Variants in PPM1H observed in about 807,000 individuals in gnomAD.
PPM1H encodes protein phosphatase 1H.
A neutral mutation model predicts 54.9 loss-of-function variants in PPM1H; 27 were observed. That is an observed-to-expected ratio of 0.49 (90% CI 0.36 to 0.68). PPM1H has a LOEUF of 0.68. PPM1H is among the 30% of genes least tolerant of loss of function. The probability of loss-of-function intolerance (pLI) is 0.00; values close to 1 mark genes in which losing one functional copy is unlikely to be tolerated. For missense variants in PPM1H, 596 were observed against 667.8 expected, an observed-to-expected ratio of 0.89 and a Z score of 1.19; for synonymous variants, 305 against 270.8, an observed-to-expected ratio of 1.13 and a Z score of -1.24.
intron 2 of PPM1H, among the ~76,000 whole-genome samples, chr12:62,828,660 C>A (rs1001621460): frequency 6.6e-6 from 1 of 152,224 alleles, no homozygotes; most frequent in African/African-American, 2.4e-5. Context: ...AAATCTCCAG[C>A]ATCCAGTTCT....
At chr12:62,733,898 T>C (rs1206877691) in intron 5 of PPM1H, among the ~76,000 whole-genome samples, 2 of 152,126 alleles carry the variant, frequency 1.3e-5, no homozygotes, top group Admixed American at 1.3e-4. Flanking sequence ...AAATGGTTCT[T>C]AAATAAAAAC....
At chr12:62,805,732 A>G (rs1406108904) in intron 2 of PPM1H, among the ~76,000 whole-genome samples, 1 of 152,216 alleles carries the variant, frequency 6.6e-6, no homozygotes, top group Non-Finnish European at 1.5e-5. Flanking sequence ...AAAAGGTACA[A>G]AGTTTCAGGT....
chr12:62,914,012 C>T (rs912008052), intron 1 of PPM1H, among the ~76,000 whole-genome samples: 11 of 152,120 alleles, frequency 7.2e-5, no homozygotes, highest in African/African-American at 2.7e-4. Context: ...ATATACATTT[C>T]TATAAGGAAG....
intron 5 of PPM1H, among the ~76,000 whole-genome samples, chr12:62,733,461 G>A (rs1193090415): frequency 1.3e-5 from 2 of 152,148 alleles, no homozygotes; most frequent in Non-Finnish European, 2.9e-5. Context: ...GTTTCACCAT[G>A]TTGGCCAGGC....
chr12:62,691,718 G>A (rs753414760), intron 7 of PPM1H, among the ~76,000 whole-genome samples: 13 of 151,770 alleles, frequency 8.6e-5, no homozygotes, highest in Non-Finnish European at 5.9e-5. Context: ...AGCTACTCAG[G>A]AGGCTGAAGT....
At chr12:62,670,302 AC>A (rs1192182743) in intron 8 of PPM1H, among the ~76,000 whole-genome samples, 2 of 152,006 alleles carry the variant, frequency 1.3e-5, no homozygotes, top group Non-Finnish European at 2.9e-5. Flanking sequence ...ATTGGGTTAT[AC>A]CTACAATAAA....
intron 2 of PPM1H, among the ~76,000 whole-genome samples, chr12:62,802,956 G>A (rs991228109): frequency 3.3e-5 from 5 of 151,948 alleles, no homozygotes; most frequent in Non-Finnish European, 7.4e-5. Flanking sequence ...TTGGAAAAAC[G>A]CCCTTTCTCA....
intron 4 of PPM1H, among the ~76,000 whole-genome samples, chr12:62,765,175 G>A (rs1428826310): frequency 2.0e-5 from 3 of 152,184 alleles, no homozygotes; most frequent in East Asian, 3.9e-4. Flanking sequence ...TCAGTGAGGT[G>A]TGTGACAGTA....
intron 8 of PPM1H, among the ~76,000 whole-genome samples, chr12:62,684,290 C>A (rs919894713): frequency 6.6e-6 from 1 of 152,116 alleles, no homozygotes; most frequent in African/African-American, 2.4e-5. Flanking sequence ...GAATTCAGTT[C>A]TTGGCCAGAA....
intron 4 of PPM1H, among the ~76,000 whole-genome samples, chr12:62,738,748 C>T (rs1263499504): frequency 6.6e-6 from 1 of 152,122 alleles, no homozygotes; most frequent in Non-Finnish European, 1.5e-5. Context: ...AGTGAGGAGC[C>T]ACCAACATGG....
At chr12:62,838,028 C>T (rs1868556311) in intron 1 of PPM1H, among the ~76,000 whole-genome samples, 1 of 152,168 alleles carries the variant, frequency 6.6e-6, no homozygotes, top group Non-Finnish European at 1.5e-5. Flanking sequence ...CTTCCAGATT[C>T]CCACCCCGAT....
intron 1 of PPM1H, among the ~76,000 whole-genome samples, chr12:62,895,473 C>T (rs778755059): frequency 6.6e-6 from 1 of 152,162 alleles, no homozygotes; most frequent in African/African-American, 2.4e-5. Flanking sequence ...GCAGCAGCAC[C>T]TGGGACTCAT....
chr12:62,678,432 C>T (rs1034234618), intron 8 of PPM1H, among the ~76,000 whole-genome samples: 28 of 152,154 alleles, frequency 1.8e-4, no homozygotes, highest in Non-Finnish European at 1.3e-4. Context: ...TGTTGTGTGA[C>T]CATGAATTAT....
intron 1 of PPM1H, among the ~76,000 whole-genome samples, chr12:62,858,994 ATAC>A (rs1365528602): frequency 1.3e-5 from 2 of 152,230 alleles, no homozygotes; most frequent in Non-Finnish European, 1.5e-5. Flanking sequence ...TATTTGCTTC[ATAC>A]TATGTACAAA....
chr12:62,655,779 G>C (rs11174582), intron 9 of PPM1H, among the ~76,000 whole-genome samples: 32,129 of 152,170 alleles, frequency 0.21, 3,664 homozygotes, highest in Middle Eastern at 0.33. Context: ...GCTGGGCCAG[G>C]CTGCATTAGA....
intron 2 of PPM1H, among the ~76,000 whole-genome samples, chr12:62,814,515 G>A (rs1386385415): frequency 6.6e-6 from 1 of 152,066 alleles, no homozygotes; most frequent in Non-Finnish European, 1.5e-5. Flanking sequence ...ACCACACCCT[G>A]CCAAAAAAAT....
chr12:62,906,205 A>C (rs1347234237), intron 1 of PPM1H, among the ~76,000 whole-genome samples: 1 of 152,238 alleles, frequency 6.6e-6, no homozygotes, highest in Non-Finnish European at 1.5e-5. Context: ...ATTACTGTAG[A>C]AAAGTCTCAA....
chr12:62,663,190 C>T (rs1431118375), intron 9 of PPM1H, among the ~76,000 whole-genome samples: 1 of 152,028 alleles, frequency 6.6e-6, no homozygotes, highest in African/African-American at 2.4e-5. Context: ...GCATGAACGA[C>T]GATGCAAGAG....
chr12:62,656,496 T>C lies in PPM1H; in HGVS notation c.1398-7860A>G, dbSNP rs544867728. On this transcript the variant is annotated intron_variant, in intron 9 of 9. Coordinates refer to ENST00000228705, the MANE Select transcript of PPM1H (RefSeq NM_020700.2). ...TAGTCTGTTTTCTGAATCTTTAGCA[T>C]CTGAATCAGCACAACAGTGTCAAAA... Among the ~76,000 whole-genome samples, 10 of 152,346 alleles carry C rather than the reference T, an allele frequency of 6.6e-5. No individual in the cohort carries two copies. In the South Asian group the frequency reaches 1.9e-3, roughly 28 times the overall value.
Sources: gnomAD v4.1 joint callset for allele counts (sites outside exome capture counted in the v4.1 genomes callset) on GRCh38, gnomAD v4.1.1 for gene constraint, MANE v1.5 for transcripts, NCBI Gene and HGNC (gene_info 2026-07-23, HGNC 2026-07-21) for gene names.